Variants in PTPRD observed in about 807,000 individuals in gnomAD.
PTPRD encodes the protein protein tyrosine phosphatase receptor type D.
PTPRD carries 34 observed loss-of-function variants against 214.5 expected under a neutral mutation model. The observed-to-expected ratio is 0.16, with a 90% CI of 0.12 to 0.21. PTPRD has a LOEUF of 0.21. PTPRD is among the 10% of genes least tolerant of loss of function. The pLI, the probability that PTPRD is intolerant of heterozygous loss-of-function variation, is 1.00. For synonymous variants in PTPRD, 1,128 were observed against 845.7 expected, an observed-to-expected ratio of 1.33 and a Z score of -5.79; for missense variants, 2,545 against 2,398.7, an observed-to-expected ratio of 1.06 and a Z score of -1.27.
intron 5 of PTPRD, among the ~76,000 whole-genome samples, chr9:9,854,261 G>A (rs1278506983): frequency 6.6e-6 from 1 of 151,988 alleles, no homozygotes; most frequent in Non-Finnish European, 1.5e-5. Context: ...TACCTATATG[G>A]CACAAGTTAA....
rs565968304 is a variant in PTPRD at position 10,061,573 on chromosome 9, T to C, written c.-544-27783A>G. 3.3e-5 allele frequency among the ~76,000 whole-genome samples: 5 copies of C among 152,208 alleles called. No homozygotes were observed. In the South Asian group the frequency reaches 1.0e-3, roughly 32 times the overall value. On this transcript the variant is annotated intron_variant, in intron 3 of 45. Coordinates refer to ENST00000381196, the MANE Select transcript of PTPRD (RefSeq NM_002839.4). ...CATAATTAGTCTAGAGTGAATCTTATATTGTCTTCTATGATACCTTCCTAT... is the reference window on the plus strand; with the variant it reads ...CATAATTAGTCTAGAGTGAATCTTACATTGTCTTCTATGATACCTTCCTAT...
At chr9:8,969,790 G>C (rs999636237) in intron 11 of PTPRD, among the ~76,000 whole-genome samples, 8 of 151,794 alleles carry the variant, frequency 5.3e-5, no homozygotes, top group African/African-American at 1.9e-4. Context: ...CTAGGGTCAA[G>C]AAAAGTATAA....
intron 42 of PTPRD, 142 bp from the exon 43 acceptor site, chr9:8,339,189 A>T (rs1213319688): frequency 1.2e-6 from 1 of 839,608 alleles, no homozygotes; most frequent in African/African-American, 1.7e-5. Flanking sequence ...ATTGCATATG[A>T]CTCATTTCCT....
At chr9:8,617,219 T>A (rs2095642148) in intron 14 of PTPRD, among the ~76,000 whole-genome samples, 1 of 152,022 alleles carries the variant, frequency 6.6e-6, no homozygotes, top group Non-Finnish European at 1.5e-5. Flanking sequence ...CTAAAATACT[T>A]GCAGAAAGAA....
chr9:9,914,760 C>T (rs777085052), intron 5 of PTPRD, among the ~76,000 whole-genome samples: 17 of 152,172 alleles, frequency 1.1e-4, no homozygotes, highest in South Asian at 4.1e-4. Flanking sequence ...CCAGCTGAGC[C>T]TGCTTGTGCT....
chr9:9,330,847 C>A (rs1010310198), intron 9 of PTPRD, among the ~76,000 whole-genome samples: 5 of 149,978 alleles, frequency 3.3e-5, no homozygotes, highest in Non-Finnish European at 7.4e-5. Context: ...TGGGATATTT[C>A]TAGTAATATT....
At chr9:9,553,339 G>A (rs2080782066) in intron 8 of PTPRD, among the ~76,000 whole-genome samples, 3 of 151,838 alleles carry the variant, frequency 2.0e-5, no homozygotes, top group Admixed American at 1.3e-4. Context: ...AATATTCATT[G>A]CCAACACTTA....
At chr9:10,344,748 G>A (rs1036184894) in intron 2 of PTPRD, among the ~76,000 whole-genome samples, 8 of 151,902 alleles carry the variant, frequency 5.3e-5, no homozygotes, top group African/African-American at 1.9e-4. Context: ...TCACATCCCT[G>A]GTAAGTTGGA....
chr9:10,511,866 G>C (rs1196137669), intron 2 of PTPRD, among the ~76,000 whole-genome samples: 56 of 84,560 alleles, frequency 6.6e-4, no homozygotes, highest in Admixed American at 5.0e-3. Flanking sequence ...GTGTGTGTGT[G>C]TGTGTGTGTG....
At chr9:9,599,331 G>C (rs1250282692) in intron 7 of PTPRD, among the ~76,000 whole-genome samples, 1 of 152,014 alleles carries the variant, frequency 6.6e-6, no homozygotes, top group African/African-American at 2.4e-5. Flanking sequence ...GATGCCCACT[G>C]GCTCTTTTAG....
intron 6 of PTPRD, among the ~76,000 whole-genome samples, chr9:9,746,553 C>A (rs2761703): frequency 0.57 from 87,138 of 151,996 alleles, 27,598 homozygotes; most frequent in African/African-American, 0.86. Context: ...AATTGTTTCA[C>A]GTAAATATTG....
intron 9 of PTPRD, among the ~76,000 whole-genome samples, chr9:9,229,402 C>G (rs17604486): frequency 0.45 from 68,009 of 151,720 alleles, 15,686 homozygotes; most frequent in Middle Eastern, 0.49. Context: ...AACAGCAATG[C>G]CTCATAGAAG....
At chr9:9,075,746 T>G (rs2099750128) in intron 10 of PTPRD, among the ~76,000 whole-genome samples, 1 of 152,200 alleles carries the variant, frequency 6.6e-6, no homozygotes, top group South Asian at 2.1e-4. Context: ...GAACTCATCC[T>G]TTTTTATGGC....
At chr9:10,091,031 G>A (rs910304065) in intron 3 of PTPRD, among the ~76,000 whole-genome samples, 1 of 150,442 alleles carries the variant, frequency 6.6e-6, no homozygotes, top group African/African-American at 2.4e-5. Flanking sequence ...AGTCGCTGCT[G>A]TCATACATCA....
intron 11 of PTPRD, among the ~76,000 whole-genome samples, chr9:8,781,291 G>A (rs1353883860): frequency 6.6e-6 from 1 of 152,072 alleles, no homozygotes; most frequent in Admixed American, 6.6e-5. Context: ...AATGACTTTG[G>A]CAACTCCTCC....
At chr9:9,903,287 GA>G (rs1317428240) in intron 5 of PTPRD, among the ~76,000 whole-genome samples, 1 of 151,990 alleles carries the variant, frequency 6.6e-6, no homozygotes, top group African/African-American at 2.4e-5. Context: ...ATGTGATGAA[GA>G]ACTCGAGTAG....
chr9:8,712,820 G>C (rs918125696), intron 12 of PTPRD, among the ~76,000 whole-genome samples: 1 of 152,142 alleles, frequency 6.6e-6, no homozygotes, highest in Non-Finnish European at 1.5e-5. Context: ...CTGGGTTCAA[G>C]TGATTCTCCT....
At chr9:9,636,008 T>C (rs888129650) in intron 7 of PTPRD, among the ~76,000 whole-genome samples, 9 of 152,192 alleles carry the variant, frequency 5.9e-5, no homozygotes, top group Admixed American at 5.9e-4. Context: ...CTGATATATG[T>C]AAGGCTTTCT....
chr9:9,162,120 T>A (rs959149491), intron 10 of PTPRD, among the ~76,000 whole-genome samples: 2 of 152,166 alleles, frequency 1.3e-5, no homozygotes, highest in African/African-American at 4.8e-5. Flanking sequence ...TTGGCCTTTG[T>A]CCATTTGTGC....
Sources: gnomAD v4.1 joint callset for allele counts (sites outside exome capture counted in the v4.1 genomes callset) on GRCh38, gnomAD v4.1.1 for gene constraint, MANE v1.5 for transcripts, NCBI Gene and HGNC (gene_info 2026-07-23, HGNC 2026-07-21) for gene names.